ORC3: variants seen among roughly 807,000 people sequenced by gnomAD.
ORC3 encodes the protein origin recognition complex subunit 3, also known as homolog of latheo, Drosophila.
ORC3 carries 78 observed loss-of-function variants against 100.7 expected under a neutral mutation model. The observed-to-expected ratio is 0.77, with a 90% CI of 0.65 to 0.94. The LOEUF (loss-of-function observed/expected upper bound fraction) is 0.94, where lower values mean the gene tolerates loss of function less well. Ranked by LOEUF, ORC3 falls within the 40% of genes least tolerant of loss-of-function variation. ORC3 has a pLI of 0.00. For synonymous variants in ORC3, 295 were observed against 289.3 expected (o/e 1.02, Z -0.20); for missense variants, 789 against 823.9 (o/e 0.96, Z 0.52).
At chr6:87,669,183 A>T (rs1770779977), downstream of ORC3, among the ~76,000 whole-genome samples, 1 of 152,148 alleles carries the variant, frequency 6.6e-6, no homozygotes, top group Non-Finnish European at 1.5e-5. Flanking sequence ...CAAAAGCTAG[A>T]TGAAATATAT....
At chr6:87,598,005 T>C (rs1777592701) in intron 2 of ORC3, among the ~76,000 whole-genome samples, 1 of 152,176 alleles carries the variant, frequency 6.6e-6, no homozygotes, top group African/African-American at 2.4e-5. Flanking sequence ...CAGTTGTTAA[T>C]ATTTCTTGGA....
intron 11 of ORC3, among the ~76,000 whole-genome samples, chr6:87,624,498 C>T (rs1356939302): frequency 6.6e-6 from 1 of 152,046 alleles, no homozygotes; most frequent in African/African-American, 2.4e-5. Flanking sequence ...CAAAACAAAA[C>T]AAAAGAATGT....
intron 12 of ORC3, among the ~76,000 whole-genome samples, chr6:87,635,806 C>T (rs1767773467): frequency 6.6e-6 from 1 of 152,018 alleles, no homozygotes; most frequent in Non-Finnish European, 1.5e-5. Flanking sequence ...AAAAGAATGA[C>T]TTGTTCATGA....
At chr6:87,674,799 C>CA in the ORC3 span, among the ~76,000 whole-genome samples, 3 of 151,540 alleles carry the variant, frequency 2.0e-5, no homozygotes, top group South Asian at 2.1e-4. Flanking sequence ...AATCAGAACT[C>CA]AGTGTTTTGA....
At chr6:87,661,239 C>A (rs715207) in intron 16 of ORC3, among the ~76,000 whole-genome samples, 16,465 of 152,182 alleles carry the variant, frequency 0.11, 937 homozygotes, top group East Asian at 0.15. Context: ...TCAGAAATTA[C>A]AAATTGGTAG....
chr6:87,619,915 C>CA (rs1485145483), intron 9 of ORC3, among the ~76,000 whole-genome samples: 1 of 152,164 alleles, frequency 6.6e-6, no homozygotes, highest in Non-Finnish European at 1.5e-5. Flanking sequence ...AGGCTGGTCT[C>CA]AAACTCCTGA....
intron 13 of ORC3, among the ~76,000 whole-genome samples, chr6:87,646,615 C>T (rs1318014701): frequency 6.6e-6 from 1 of 152,224 alleles, no homozygotes; most frequent in Non-Finnish European, 1.5e-5. Context: ...CTAAATCTAG[C>T]ATTAACCTGT....
chr6:87,612,600 C>T (rs1191062394), intron 8 of ORC3, among the ~76,000 whole-genome samples: 2 of 151,954 alleles, frequency 1.3e-5, no homozygotes, highest in African/African-American at 2.4e-5. Context: ...TTGACTCTTA[C>T]ATTTTGATTT....
At chr6:87,609,527 A>T in intron 7 of ORC3, 2 of 207,290 alleles carry the variant, frequency 9.6e-6, no homozygotes, top group Non-Finnish European at 1.9e-5. Flanking sequence ...TAGATAAACT[A>T]CTCCAGGTTG....
At chr6:87,626,945 T>C (rs1186295265) in intron 11 of ORC3, among the ~76,000 whole-genome samples, 1 of 152,086 alleles carries the variant, frequency 6.6e-6, no homozygotes, top group African/African-American at 2.4e-5. Context: ...TATTTTTCAC[T>C]CATAAAAATT....
At chr6:87,606,584 A>G (rs931585105) in intron 5 of ORC3, among the ~76,000 whole-genome samples, 8 of 151,532 alleles carry the variant, frequency 5.3e-5, no homozygotes, top group Non-Finnish European at 1.0e-4. Flanking sequence ...AGGCTGTACT[A>G]CAGTAGCATG....
chr6:87,612,584 T>G (rs1039404698), intron 8 of ORC3, among the ~76,000 whole-genome samples: 1 of 152,132 alleles, frequency 6.6e-6, no homozygotes, highest in African/African-American at 2.4e-5. Flanking sequence ...GTAGTAACAA[T>G]GTATTTTGAC....
chr6:87,643,124 T>G (rs1768405976), intron 13 of ORC3, among the ~76,000 whole-genome samples: 1 of 151,938 alleles, frequency 6.6e-6, no homozygotes, highest in South Asian at 2.1e-4. Context: ...GTCACTGTTT[T>G]TTTGTGTAAT....
At chr6:87,649,704 C>A (rs1029333988) in intron 13 of ORC3, among the ~76,000 whole-genome samples, 6 of 152,138 alleles carry the variant, frequency 3.9e-5, no homozygotes, top group African/African-American at 1.4e-4. Context: ...TGAGATTGCA[C>A]CATTGCACTC....
intron 11 of ORC3, among the ~76,000 whole-genome samples, chr6:87,623,670 G>C (rs1193984686): frequency 6.6e-6 from 1 of 151,852 alleles, no homozygotes; most frequent in South Asian, 2.1e-4. Context: ...GATCACTTGA[G>C]GTGAGGAGTT....
intron 13 of ORC3, among the ~76,000 whole-genome samples, chr6:87,642,313 G>A (rs532404140): frequency 7.2e-5 from 11 of 152,058 alleles, no homozygotes; most frequent in Admixed American, 3.3e-4. Flanking sequence ...TAAATAGGCC[G>A]AGCATAGTGG....
chr6:87,675,648 C>A, the ORC3 span: 1 of 1,609,724 alleles, frequency 6.2e-7, no homozygotes, highest in South Asian at 1.1e-5. Flanking sequence ...AAATACAGGT[C>A]AAAATCCAAA....
the ORC3 span, among the ~76,000 whole-genome samples, chr6:87,676,596 A>AACACACACACACAC: frequency 2.2e-3 from 307 of 142,130 alleles, 1 homozygote; most frequent in African/African-American, 6.6e-3. Context: ...CTCTACTAAA[A>AACACACACACACAC]ACACACACAC....
In ORC3 at chr6:87,646,493, G is replaced by A. The variant is rs372341681; in HGVS notation, c.1383-6623G>A. Among the ~76,000 whole-genome samples, 20 of 152,218 alleles carry A rather than the reference G, an allele frequency of 1.3e-4. No individual in the cohort carries two copies. The South Asian group carries it at 3.9e-3, about 30-fold the overall frequency. On this transcript the variant is annotated intron_variant, in intron 13 of 19. Transcript: ENST00000392844. ...AGTTGGAATGTACCAAAATTGGAAA[G>A]CATTGTCTCACTGTCTCTAATTCTT...
Sources: allele counts gnomAD v4.1 joint callset (sites outside exome capture counted in the v4.1 genomes callset), GRCh38; gene constraint gnomAD v4.1.1; transcripts MANE v1.5; gene names NCBI Gene and HGNC (gene_info 2026-07-23, HGNC 2026-07-21).